The following CCDC6 variants were observed in gnomAD, a reference collection of about 807,000 sequenced individuals.
CCDC6 encodes the protein coiled-coil domain containing 6, also known as coiled-coil domain-containing protein 6.
Under a neutral mutation model 56.6 loss-of-function variants are expected in CCDC6, and 20 were observed. The ratio of observed to expected loss-of-function variants is 0.35; its 90% CI spans 0.25 to 0.51. CCDC6 has a LOEUF of 0.51. CCDC6 is among the 20% of genes least tolerant of loss of function. The pLI, the probability that CCDC6 is intolerant of heterozygous loss-of-function variation, is 0.95. For synonymous variants in CCDC6, 241 were observed against 234.4 expected (o/e 1.03, Z -0.26); for missense variants, 367 against 601.1 (o/e 0.61, Z 4.07).
At chr10:59,794,291 G>A (rs1004671770) in intron 8 of CCDC6, among the ~76,000 whole-genome samples, 182 bp downstream of exon 8, 2 of 152,200 alleles carry the variant, frequency 1.3e-5, no homozygotes, top group African/African-American at 4.8e-5. Context: ...TCCTGGGAAG[G>A]ATTTTAGTTT....
intron 2 of CCDC6, among the ~76,000 whole-genome samples, chr10:59,834,689 C>T (rs1477143737): frequency 3.9e-5 from 6 of 152,274 alleles, no homozygotes; most frequent in African/African-American, 1.2e-4. Context: ...AAAATAACCT[C>T]GTCAATCTTG....
intron 1 of CCDC6, among the ~76,000 whole-genome samples, chr10:59,894,529 T>C (rs572857545): frequency 2.0e-5 from 3 of 152,046 alleles, no homozygotes; most frequent in Non-Finnish European, 4.4e-5. Context: ...CCAGTTGTTA[T>C]ATACAGGCAC....
intron 1 of CCDC6, among the ~76,000 whole-genome samples, chr10:59,895,288 C>T (rs944247622): frequency 1.3e-5 from 2 of 152,130 alleles, no homozygotes; most frequent in Admixed American, 1.3e-4. Context: ...TGTGACAGAG[C>T]GAGACCCTGT....
At chr10:59,876,130 C>G (rs1464615882) in intron 1 of CCDC6, among the ~76,000 whole-genome samples, 1 of 132,300 alleles carries the variant, frequency 7.6e-6, no homozygotes, top group East Asian at 2.6e-4. Context: ...CTCACTGCAA[C>G]CTCTGCCTCC....
intron 3 of CCDC6, among the ~76,000 whole-genome samples, chr10:59,819,132 T>C (rs1005733807): frequency 6.6e-6 from 1 of 152,238 alleles, no homozygotes; most frequent in African/African-American, 2.4e-5. Context: ...ATAATGTTTT[T>C]GTGACCAGAA....
intron 7 of CCDC6, among the ~76,000 whole-genome samples, chr10:59,799,798 G>A (rs1299134231): frequency 6.6e-6 from 1 of 152,150 alleles, no homozygotes; most frequent in African/African-American, 2.4e-5. Flanking sequence ...TCTGACACTT[G>A]GCACTAAGTA....
At chr10:59,849,923 C>T (rs757365320) in intron 2 of CCDC6, among the ~76,000 whole-genome samples, 1 of 152,124 alleles carries the variant, frequency 6.6e-6, no homozygotes, top group Non-Finnish European at 1.5e-5. Flanking sequence ...ACTGGTTGAA[C>T]CTATTAAGGA....
intron 1 of CCDC6, among the ~76,000 whole-genome samples, chr10:59,876,073 C>CTGTTTTTTT (rs2071277188): frequency 1.0e-5 from 1 of 97,586 alleles, no homozygotes. Flanking sequence ...GCACAGATGT[C>CTGTTTTTTT]TTTTTTTTTT....
intron 2 of CCDC6, among the ~76,000 whole-genome samples, chr10:59,836,770 G>T (rs560570481): frequency 1.3e-5 from 2 of 152,186 alleles, no homozygotes; most frequent in South Asian, 4.1e-4. Flanking sequence ...TATCCCTGTG[G>T]AATCAGAATC....
chr10:59,871,337 C>T (rs984014280), intron 1 of CCDC6, among the ~76,000 whole-genome samples: 1 of 151,740 alleles, frequency 6.6e-6, no homozygotes, highest in African/African-American at 2.4e-5. Context: ...CACTCAAGTA[C>T]GTAAAAATAA....
chr10:59,871,281 C>G (rs1430792450), intron 1 of CCDC6, among the ~76,000 whole-genome samples: 1 of 151,950 alleles, frequency 6.6e-6, no homozygotes, highest in African/African-American at 2.4e-5. Flanking sequence ...GCTAATCTGT[C>G]ACACCACATT....
At chr10:59,859,199 C>CGTGGGTGTGT (rs2071105226) in intron 1 of CCDC6, among the ~76,000 whole-genome samples, 1 of 137,188 alleles carries the variant, frequency 7.3e-6, no homozygotes, top group African/African-American at 2.7e-5. Context: ...CATGTGTGTG[C>CGTGGGTGTGT]GTGTGTGTGT....
At chr10:59,902,059 T>C (rs1423625760) in intron 1 of CCDC6, among the ~76,000 whole-genome samples, 2 of 152,200 alleles carry the variant, frequency 1.3e-5, no homozygotes, top group Non-Finnish European at 2.9e-5. Flanking sequence ...CCAAATAAAA[T>C]GGCCTAGGGC....
At position 59,792,462 on chromosome 10, in the gene CCDC6, C is replaced by T. The variant is rs561358737; in HGVS notation, c.*455G>A. On this transcript the variant is annotated 3_prime_UTR_variant, in exon 9 of 9. Transcript: ENST00000263102. ...ATTTTCAAAGGTCTGAATTGTAGTGCTGAATTATTGGTATGTTTGGTAAAC... is the reference window on the plus strand; with the variant it reads ...ATTTTCAAAGGTCTGAATTGTAGTGTTGAATTATTGGTATGTTTGGTAAAC... The T allele has an allele frequency of 4.6e-6, 2 of 438,916 alleles. No homozygotes were observed. Among genetic ancestry groups the T allele is most frequent in the South Asian group, 2.1e-5 (1 of 47,582 alleles). The allele number at this position is 438,916 out of a possible 1,614,324, so 27.2% of individuals were successfully genotyped here. A position where few individuals can be genotyped will look rare whatever the true frequency, so the allele number is the denominator to read the frequency against.
chr10:59,834,800 A>G (rs2070867424), intron 2 of CCDC6, among the ~76,000 whole-genome samples: 1 of 152,214 alleles, frequency 6.6e-6, no homozygotes, highest in African/African-American at 2.4e-5. Flanking sequence ...CCAAGCAGCA[A>G]TTAAAAGAAC....
rs16914172 is a variant in CCDC6, at chr10:59,807,793, C to G, written c.848-715G>C. On this transcript the variant is annotated intron_variant, in intron 5 of 8. Transcript: ENST00000263102. ...CTGCCCATGGGCTCTGCTCTAGACA[C>G]CAGTTTGGCTGCCTCTCAACTCCAG... Among the ~76,000 whole-genome samples the G allele has an allele frequency of 2.7e-3, 409 of 152,188 alleles. 3 individuals carry two copies. Among genetic ancestry groups the G allele is most frequent in the African/African-American group, 9.1e-3 (380 of 41,538 alleles).
chr10:59,843,944 A>T (rs2070966019), intron 2 of CCDC6, among the ~76,000 whole-genome samples: 1 of 152,130 alleles, frequency 6.6e-6, no homozygotes, highest in Admixed American at 6.5e-5. Flanking sequence ...CAACGACCAA[A>T]ACCACAATTT....
intron 7 of CCDC6, among the ~76,000 whole-genome samples, chr10:59,800,768 C>T (rs1173957164): frequency 6.6e-6 from 1 of 151,962 alleles, no homozygotes; most frequent in African/African-American, 2.4e-5. Context: ...AGGATAACCC[C>T]TCCCCACCAG....
chr10:59,900,423 G>A (rs75354324), intron 1 of CCDC6, among the ~76,000 whole-genome samples: 2,702 of 152,306 alleles, frequency 0.018, 31 homozygotes, highest in Middle Eastern at 0.048. Context: ...AGGAGCCAGA[G>A]GAAATCTACT....
Sources: gnomAD v4.1 joint callset for allele counts (sites outside exome capture counted in the v4.1 genomes callset) on GRCh38, gnomAD v4.1.1 for gene constraint, MANE v1.5 for transcripts, NCBI Gene and HGNC (gene_info 2026-07-23, HGNC 2026-07-21) for gene names.